Variants in THSD4 observed in about 807,000 individuals in gnomAD.
THSD4 encodes thrombospondin type-1 domain-containing protein 4.
Under a neutral mutation model 119.0 loss-of-function variants are expected in THSD4, and 69 were observed. That is an observed-to-expected ratio of 0.58 (90% CI 0.48 to 0.71). The LOEUF (loss-of-function observed/expected upper bound fraction) is 0.71, where lower values mean the gene tolerates loss of function less well. THSD4 is among the 30% of genes least tolerant of loss of function. The pLI, the probability that THSD4 is intolerant of heterozygous loss-of-function variation, is 0.00. For synonymous variants in THSD4, 524 were observed against 540.4 expected, an observed-to-expected ratio of 0.97 and a Z score of 0.42; for missense variants, 1,393 against 1,391.1, an observed-to-expected ratio of 1.00 and a Z score of -0.02.
In THSD4 at chr15:71,645,706, G is replaced by T. The variant is rs192062670; in HGVS notation, c.1153-14824G>T. On this transcript the variant is annotated intron_variant, in intron 7 of 17. Transcript: ENST00000261862. ...TTTGGGGAAAAAAGCTTTTATCACAGCCTTTTGGTGCAACAGAAAACAAAA... is the reference window on the plus strand; with the variant it reads ...TTTGGGGAAAAAAGCTTTTATCACATCCTTTTGGTGCAACAGAAAACAAAA... Among the ~76,000 whole-genome samples, 27 of 152,294 alleles carry T rather than the reference G, an allele frequency of 1.8e-4. 1 individual carries two copies. The highest frequency in any genetic ancestry group is 1.4e-3 in the Admixed American group (22 of 15,300).
chr15:71,550,390 T>A (rs562829033), intron 7 of THSD4, among the ~76,000 whole-genome samples: 1 of 152,316 alleles, frequency 6.6e-6, no homozygotes, highest in African/African-American at 2.4e-5. Flanking sequence ...CATTCCATAT[T>A]TGGAATAATA....
chr15:71,517,175 A>T (rs1269297971), intron 7 of THSD4, among the ~76,000 whole-genome samples: 1 of 152,198 alleles, frequency 6.6e-6, no homozygotes, highest in East Asian at 1.9e-4. Flanking sequence ...AGTTTCTTTC[A>T]TTGACCACTG....
chr15:71,417,568 G>C (rs112732597), intron 7 of THSD4, among the ~76,000 whole-genome samples: 1 of 106,820 alleles, frequency 9.4e-6, no homozygotes, highest in African/African-American at 3.2e-5. Flanking sequence ...TTTATTTCTA[G>C]GTTCTCTATT....
At chr15:71,425,705 A>G (rs1595755746) in intron 7 of THSD4, among the ~76,000 whole-genome samples, 2 of 152,214 alleles carry the variant, frequency 1.3e-5, no homozygotes, top group South Asian at 4.1e-4. Context: ...TACCATTTGA[A>G]TGGGTGTTTG....
chr15:71,768,012 T>C (rs758385417), intron 16 of THSD4, among the ~76,000 whole-genome samples: 12 of 152,160 alleles, frequency 7.9e-5, no homozygotes, highest in Non-Finnish European at 1.6e-4. Context: ...AAAAAACTGA[T>C]AAGTCATCAT....
chr15:71,591,741 G>GA (rs57430708), intron 7 of THSD4, among the ~76,000 whole-genome samples: 96,246 of 144,894 alleles, frequency 0.66, 31,992 homozygotes, highest in East Asian at 0.78. Context: ...TTTTTTTTTA[G>GA]AAAAAAAAAA....
chr15:71,500,488 T>C (rs4502170), intron 7 of THSD4, among the ~76,000 whole-genome samples: 145,181 of 152,288 alleles, frequency 0.95, 69,555 homozygotes, highest in East Asian at 1. Flanking sequence ...TGATATAATA[T>C]CATTTGTCTA....
intron 6 of THSD4, among the ~76,000 whole-genome samples, chr15:71,275,855 G>T (rs1456256308): frequency 2.0e-5 from 3 of 152,162 alleles, no homozygotes. Context: ...GGAGGGCTGT[G>T]TTTGCTTCCC....
rs1402869442 is a variant in THSD4, at chr15:71,307,575, G to C, written c.1015+50860G>C. On this transcript the variant is annotated intron_variant, in intron 6 of 17. Transcript: ENST00000261862. ...TCATGAGGACAGGAGTTCAAGACCA[G>C]CCTGGCCAACATGGTGAAACCAGTC... Among the ~76,000 whole-genome samples the C allele has an allele frequency of 2.6e-5, 4 of 152,290 alleles. No individual in the cohort carries two copies. The East Asian group carries it at 7.7e-4, about 29-fold the overall frequency.
At chr15:71,272,692 C>T (rs2044546341) in intron 6 of THSD4, among the ~76,000 whole-genome samples, 2 of 151,902 alleles carry the variant, frequency 1.3e-5, no homozygotes, top group Non-Finnish European at 2.9e-5. Flanking sequence ...GAAGCCCCGT[C>T]TCTAGTGAAA....
At chr15:71,303,176 T>A (rs2044976436) in intron 6 of THSD4, among the ~76,000 whole-genome samples, 1 of 152,168 alleles carries the variant, frequency 6.6e-6, no homozygotes, top group African/African-American at 2.4e-5. Flanking sequence ...ACTCCCCAAG[T>A]GATTCTGGCA....
chr15:71,110,873 G>C, upstream of THSD4: 1 of 460,230 alleles, frequency 2.2e-6, no homozygotes, highest in Non-Finnish European at 3.9e-6. Flanking sequence ...GAAAGTGACT[G>C]ATCAGCCATG....
rs1491162842 is a variant in THSD4 at position 71,724,288 on chromosome 15, T to TATA, written c.1358-4261_1358-4260insATA. Reference sequence around the variant, plus strand: ...TGGGATATATATATATATATATATATTTTTTTTTTCCCCCCAAGATGGAAT... The same window carrying TATA: ...TGGGATATATATATATATATATATATATATTTTTTTTTCCCCCCAAGATGGAAT... On this transcript the variant is annotated intron_variant, in intron 8 of 17. Transcript: ENST00000261862. Among the ~76,000 whole-genome samples, 241 of 31,474 alleles carry TATA rather than the reference T, an allele frequency of 7.7e-3. 2 individuals carry two copies. Among genetic ancestry groups the TATA allele is most frequent in the African/African-American group, 0.02 (230 of 11,646 alleles). The allele number at this position is 31,474 out of a possible 152,430, so 20.6% of individuals were successfully genotyped here. A position where few individuals can be genotyped will look rare whatever the true frequency, so the allele number is the denominator to read the frequency against.
At chr15:71,193,963 C>A (rs893589398) in intron 3 of THSD4, among the ~76,000 whole-genome samples, 1 of 152,104 alleles carries the variant, frequency 6.6e-6, no homozygotes, top group Non-Finnish European at 1.5e-5. Flanking sequence ...TGCCCGCCTC[C>A]GCCTCCCAAA....
rs1596388333 is a variant in THSD4 at position 71,385,582 on chromosome 15, G to T, written c.1016-26105G>T. On this transcript the variant is annotated intron_variant, in intron 6 of 17. Coordinates refer to ENST00000261862, the MANE Select transcript of THSD4 (RefSeq NM_024817.3). ...CTGGCTCACTTAGAGCTTGGAGTTC[G>T]CTAAAGCGAATAAATTTGAACCTGG... is the stretch of plus-strand genomic sequence containing the variant. Among the ~76,000 whole-genome samples the T allele has an allele frequency of 6.1e-4, 3 of 4,916 alleles. No individual in the cohort carries two copies. The East Asian group carries it at 0.14, about 223-fold the overall frequency. The allele number at this position is 4,916 out of a possible 152,430, so 3.2% of individuals were successfully genotyped here. A position where few individuals can be genotyped will look rare whatever the true frequency, so the allele number is the denominator to read the frequency against.
At chr15:71,765,736 T>C (rs1266075680) in intron 16 of THSD4, among the ~76,000 whole-genome samples, 4 of 152,222 alleles carry the variant, frequency 2.6e-5, no homozygotes, top group African/African-American at 9.6e-5. Context: ...AACCCATCTC[T>C]GAAAAACATT....
chr15:71,516,530 C>T (rs1381892077), intron 7 of THSD4, among the ~76,000 whole-genome samples: 6 of 152,336 alleles, frequency 3.9e-5, no homozygotes, highest in Admixed American at 1.3e-4. Context: ...TGCCAATCTT[C>T]AGTATAATGC....
At chr15:71,290,037 A>G (rs1292226307) in intron 6 of THSD4, among the ~76,000 whole-genome samples, 1 of 152,036 alleles carries the variant, frequency 6.6e-6, no homozygotes, top group African/African-American at 2.4e-5. Context: ...GTAGATACAC[A>G]TTGCCCCCAA....
upstream of THSD4, chr15:71,111,368 A>G: frequency 6.2e-7 from 1 of 1,613,676 alleles, no homozygotes; most frequent in African/African-American, 1.3e-5. Flanking sequence ...GGTCAAGTAG[A>G]GAGTCAGCCC....
Sources: allele counts gnomAD v4.1 joint callset (sites outside exome capture counted in the v4.1 genomes callset), GRCh38; gene constraint gnomAD v4.1.1; transcripts MANE v1.5; gene names NCBI Gene and HGNC (gene_info 2026-07-23, HGNC 2026-07-21).